Variants in ANKRD6 observed in about 807,000 individuals in gnomAD.
The protein encoded by ANKRD6 is ankyrin repeat domain 6.
ANKRD6 carries 56 observed loss-of-function variants against 82.3 expected under a neutral mutation model. The ratio of observed to expected loss-of-function variants is 0.68; its 90% CI spans 0.55 to 0.85. The LOEUF is 0.85. Among genes scored for constraint, ANKRD6 ranks in the 40% least tolerant of loss-of-function variants. The pLI, the probability that ANKRD6 is intolerant of heterozygous loss-of-function variation, is 0.00. For missense variants in ANKRD6, 852 were observed against 907.6 expected (o/e 0.94, Z 0.79); for synonymous variants, 347 against 352.1 (o/e 0.99, Z 0.16).
intron 1 of ANKRD6, among the ~76,000 whole-genome samples, chr6:89,556,595 C>G (rs1036971306): frequency 6.6e-6 from 1 of 152,146 alleles, no homozygotes; most frequent in African/African-American, 2.4e-5. Context: ...CACAGAATTT[C>G]AAGAAACATT....
intron 1 of ANKRD6, among the ~76,000 whole-genome samples, chr6:89,545,125 A>G (rs1164739109): frequency 6.7e-6 from 1 of 148,690 alleles, no homozygotes; most frequent in Non-Finnish European, 1.5e-5. Context: ...AGGCAGGAGA[A>G]TGGCGTGAAC....
chr6:89,485,106 A>G (rs755787741), intron 1 of ANKRD6, among the ~76,000 whole-genome samples: 68 of 152,212 alleles, frequency 4.5e-4, no homozygotes, highest in Non-Finnish European at 7.9e-4. Context: ...ACCCAGCCCA[A>G]TGAAGAATTG....
intron 1 of ANKRD6, among the ~76,000 whole-genome samples, chr6:89,537,912 AG>A (rs1422004170): frequency 4.6e-5 from 7 of 151,634 alleles, no homozygotes; most frequent in Admixed American, 3.3e-4. Context: ...AAAAGAAAAA[AG>A]GCAAGAATAG....
At chr6:89,595,800 C>A in intron 2 of ANKRD6, 116 bp from the exon 3 acceptor site, 1 of 750,220 alleles carries the variant, frequency 1.3e-6, no homozygotes, top group Middle Eastern at 3.1e-4. Context: ...TCCAAAGGGG[C>A]AGGAGGGAGT....
At chr6:89,448,782 G>C (rs1397628092) in intron 1 of ANKRD6, among the ~76,000 whole-genome samples, 2 of 152,146 alleles carry the variant, frequency 1.3e-5, no homozygotes, top group Non-Finnish European at 2.9e-5. Context: ...TGTAATCCTA[G>C]CACTTTGGGA....
At chr6:89,577,319 A>G (rs1407071442) in intron 2 of ANKRD6, among the ~76,000 whole-genome samples, 1 of 152,104 alleles carries the variant, frequency 6.6e-6, no homozygotes, top group Non-Finnish European at 1.5e-5. Context: ...GTGTCTTTCT[A>G]GTTGCCCCTG....
intron 1 of ANKRD6, among the ~76,000 whole-genome samples, chr6:89,541,862 CTAGT>C (rs1784484513): frequency 6.6e-6 from 1 of 151,124 alleles, no homozygotes; most frequent in African/African-American, 2.4e-5. Flanking sequence ...ATAACTTTAC[CTAGT>C]TATGACTGCA....
rs1025745645 is a variant in ANKRD6 at position 89,633,331 on chromosome 6, G to C, written c.*2327G>C. On this transcript the variant is annotated 3_prime_UTR_variant, in exon 16 of 16. Transcript: ENST00000339746. The stretch of plus-strand genomic sequence containing the variant: ...ATCTTCAGCAAATGTTGTTTCATCT[G>C]TTTTTGATCCTTGGCATTGTCAAAA... 2 of 152,212 alleles carry C rather than the reference G, an allele frequency of 1.3e-5. No homozygotes were observed. 9.4% of individuals were successfully genotyped at this position (152,212 alleles called of 1,614,324 possible). A position where few individuals can be genotyped will look rare whatever the true frequency, so the allele number is the denominator to read the frequency against.
chr6:89,438,127 A>G (rs931421693), intron 1 of ANKRD6, among the ~76,000 whole-genome samples: 1 of 152,206 alleles, frequency 6.6e-6, no homozygotes, highest in African/African-American at 2.4e-5. Flanking sequence ...ACTTCAATAA[A>G]TCATGATTTG....
chr6:89,543,133 G>A (rs897316665), intron 1 of ANKRD6, among the ~76,000 whole-genome samples: 7 of 152,206 alleles, frequency 4.6e-5, no homozygotes, highest in Non-Finnish European at 7.3e-5. Context: ...CAGACGTGGC[G>A]AAAGCAAATC....
intron 9 of ANKRD6, among the ~76,000 whole-genome samples, chr6:89,620,787 C>T (rs781286644): frequency 7.2e-5 from 11 of 152,044 alleles, no homozygotes; most frequent in Non-Finnish European, 1.2e-4. Context: ...AAGACGAGGC[C>T]GGGTGCGGTG....
intron 1 of ANKRD6, among the ~76,000 whole-genome samples, chr6:89,478,638 G>A (rs1332705280): frequency 1.3e-5 from 2 of 151,564 alleles, no homozygotes; most frequent in Admixed American, 6.6e-5. Context: ...GAGGAGGCGG[G>A]GAGGGGGCGG....
At chr6:89,608,779 T>C (rs1799461199) in intron 5 of ANKRD6, among the ~76,000 whole-genome samples, 1 of 152,200 alleles carries the variant, frequency 6.6e-6, no homozygotes, top group South Asian at 2.1e-4. Context: ...TGTTCCTCTT[T>C]CCATGCTCAT....
intron 10 of ANKRD6, among the ~76,000 whole-genome samples, 171 bp from the exon 11 acceptor site, chr6:89,623,239 A>G (rs75346070): frequency 0.085 from 12,984 of 152,162 alleles, 833 homozygotes; most frequent in African/African-American, 0.17. Flanking sequence ...AAAACGTTCT[A>G]TGTTAGTTAA....
chr6:89,462,942 T>G (rs554824223), intron 1 of ANKRD6, among the ~76,000 whole-genome samples: 1 of 151,118 alleles, frequency 6.6e-6, no homozygotes, highest in African/African-American at 2.4e-5. Context: ...CTATCAGAGC[T>G]CGCTCAAACT....
intron 1 of ANKRD6, among the ~76,000 whole-genome samples, chr6:89,471,939 CAAAAAAAAAAAAA>C (rs749607605): frequency 1.9e-5 from 1 of 52,604 alleles, no homozygotes; most frequent in African/African-American, 7.6e-5. Flanking sequence ...AACTCCATCT[CAAAAAAAAAAAAA>C]AAAAAAAAAA....
At chr6:89,490,335 C>A (rs1234612872) in intron 1 of ANKRD6, among the ~76,000 whole-genome samples, 1 of 152,250 alleles carries the variant, frequency 6.6e-6, no homozygotes, top group Non-Finnish European at 1.5e-5. Context: ...AAATATTTAT[C>A]TTCCCCACCA....
rs372581744 is a variant in ANKRD6 at position 89,448,986 on chromosome 6, C to T, written c.-144+15611C>T. Among the ~76,000 whole-genome samples the T allele has an allele frequency of 2.3e-4, 34 of 145,428 alleles. No homozygotes were observed. In the East Asian group the frequency reaches 6.4e-3, roughly 28 times the overall value. On this transcript the variant is annotated intron_variant, in intron 1 of 15. Coordinates refer to ENST00000339746, the MANE Select transcript of ANKRD6 (RefSeq NM_001242809.2). ...CGGAGCTTGCAGTGAGCCGAGATCGCGCCACTGCACTCCAACCTGGGAGAC... is the reference window on the plus strand; with the variant it reads ...CGGAGCTTGCAGTGAGCCGAGATCGTGCCACTGCACTCCAACCTGGGAGAC...
At chr6:89,533,561 T>C (rs564318222) in intron 1 of ANKRD6, among the ~76,000 whole-genome samples, 45 of 152,262 alleles carry the variant, frequency 3.0e-4, no homozygotes, top group African/African-American at 1.0e-3. Context: ...AGTACTTTTT[T>C]CCTCTGCCCC....
Sources: gnomAD v4.1 joint callset for allele counts (sites outside exome capture counted in the v4.1 genomes callset) on GRCh38, gnomAD v4.1.1 for gene constraint, MANE v1.5 for transcripts, NCBI Gene and HGNC (gene_info 2026-07-23, HGNC 2026-07-21) for gene names.